The following CRMP1 variants were observed in gnomAD, a reference collection of about 807,000 sequenced individuals.
CRMP1 encodes dihydropyrimidinase-related protein 1.
A neutral mutation model predicts 68.3 loss-of-function variants in CRMP1; 19 were observed. The ratio of observed to expected loss-of-function variants is 0.28; its 90% CI spans 0.19 to 0.41. CRMP1 has a LOEUF of 0.41. Among genes scored for constraint, CRMP1 ranks in the 10% least tolerant of loss-of-function variants. The pLI is 1.00. For synonymous variants in CRMP1, 439 were observed against 399.6 expected (o/e 1.10, Z -1.18); for missense variants, 791 against 967.4 (o/e 0.82, Z 2.42).
rs1425004603 is a variant in CRMP1 at position 5,854,230 on chromosome 4, A to G, written c.820+1913T>C. Among the ~76,000 whole-genome samples the G allele has an allele frequency of 6.6e-6, 1 of 152,144 alleles. No homozygotes were observed. Among genetic ancestry groups the G allele is most frequent in the Non-Finnish European group, 1.5e-5 (1 of 68,030 alleles). ...GTTATGTAGTTGCAGTGAATCACGC[A>G]GCAACTGCAATACAAGGATAATGCC... On this transcript the variant is annotated intron_variant, in intron 4 of 13. Transcript: ENST00000324989. This position sits in a 1 kb window ranked among gnomAD's most constrained non-coding sequence, Gnocchi z 4.0.
chr4:5,892,617 T>G lies in CRMP1; in HGVS notation c.353A>C (p.Asp118Ala), dbSNP rs1431466184. The G allele has an allele frequency of 3.4e-6, 4 of 1,188,878 alleles. No homozygotes were observed. Among genetic ancestry groups the G allele is most frequent in the Non-Finnish European group, 4.2e-6 (4 of 960,392 alleles). The allele number at this position is 1,188,878 out of a possible 1,614,324, so 73.6% of individuals were successfully genotyped here. A position where few individuals can be genotyped will look rare whatever the true frequency, so the allele number is the denominator to read the frequency against. Reference protein sequence around the residue: ...TLRIRRPAPRDLPLGRDNGQS... With the variant: ...TLRIRRPAPRALPLGRDNGQS... ...GCCATTGTCCCGGCCGAGGGGCAGG[T>G]CGCGGGGCGCGGGGCGGCGGATGCG... Residue 118 changes from aspartate (D) to alanine (A), a missense_variant, in exon 1 of 14, where the codon GAC (aspartate) becomes GCC (alanine). Physicochemically the swap from Asp to Ala is moderately radical, Grantham distance 126. Around this residue, in one of 3 missense-constraint regions of CRMP1, gnomAD observed 193 missense variants for 186.3 expected, o/e 1.04. Transcript: ENST00000324989. The surrounding 1 kb of genome is among the most constrained non-coding windows in gnomAD (Gnocchi z 8.6).
rs147215029 is a variant in CRMP1 at position 5,871,517 on chromosome 4, G to A, written c.382-4761C>T. On this transcript the variant is annotated intron_variant, in intron 1 of 13. Coordinates refer to ENST00000324989, the MANE Select transcript of CRMP1 (RefSeq NM_001014809.3). ...GTACTAAAAATACAAAAAATTAGCC[G>A]GGCGTGGTGGCGCACGCCTGTGGTC... Among the ~76,000 whole-genome samples, 210 of 152,108 alleles carry A rather than the reference G, an allele frequency of 1.4e-3. 2 individuals carry two copies. The highest frequency in any genetic ancestry group is 4.7e-3 in the African/African-American group (194 of 41,498).
chr4:5,825,194 A>G lies in CRMP1; in HGVS notation c.1969+300T>C. 2 of 985,354 alleles carry G rather than the reference A, an allele frequency of 2.0e-6. No individual in the cohort carries two copies. The highest frequency in any genetic ancestry group is 2.4e-6 in the Non-Finnish European group (2 of 829,922). The allele number at this position is 985,354 out of a possible 1,614,324, so 61.0% of individuals were successfully genotyped here. A position where few individuals can be genotyped will look rare whatever the true frequency, so the allele number is the denominator to read the frequency against. ...CTCCATGTTTACTTTCATGAGGAAGAGTGTGAAAGTGTCCCCAAATGTGTG... is the reference window on the plus strand; with the variant it reads ...CTCCATGTTTACTTTCATGAGGAAGGGTGTGAAAGTGTCCCCAAATGTGTG... On this transcript the variant is annotated intron_variant, in intron 13 of 13. Coordinates refer to ENST00000324989, the MANE Select transcript of CRMP1 (RefSeq NM_001014809.3). This position sits in a 1 kb window ranked among gnomAD's most constrained non-coding sequence, Gnocchi z 4.4.
In CRMP1 at chr4:5,841,217, G is replaced by A; in HGVS notation, c.1153+91C>T. ...CCACCCCTCCCTCCTCCGGCTGCCT[G>A]TCTGAGTTCGGGAGGGAGTGAACTT... On this transcript the variant is annotated intron_variant, in intron 8 of 13. Transcript: ENST00000324989. The surrounding 1 kb of genome is among the most constrained non-coding windows in gnomAD (Gnocchi z 6.9). 5 of 1,599,002 alleles carry A rather than the reference G, an allele frequency of 3.1e-6. No homozygotes were observed. Among genetic ancestry groups the A allele is most frequent in the Non-Finnish European group, 4.3e-6 (5 of 1,168,100 alleles).
At chr4:5,831,700 C>G (rs1720391820) in intron 11 of CRMP1, among the ~76,000 whole-genome samples, 1 of 152,180 alleles carries the variant, frequency 6.6e-6, no homozygotes, top group Non-Finnish European at 1.5e-5. Flanking sequence ...TCTCAAGCTG[C>G]AGAGGTGTGA....
At position 5,825,919 on chromosome 4, in the gene CRMP1, C is replaced by CG. The variant is rs1560478593; in HGVS notation, c.1804-261dup. 2.0e-6 allele frequency: 1 copy of CG among 507,022 alleles called. No homozygotes were observed. Among genetic ancestry groups the CG allele is most frequent in the African/African-American group, 2.0e-5 (1 of 49,676 alleles). The allele number at this position is 507,022 out of a possible 1,614,324, so 31.4% of individuals were successfully genotyped here. On this transcript the variant is annotated intron_variant, in intron 12 of 13. Coordinates refer to ENST00000324989, the MANE Select transcript of CRMP1 (RefSeq NM_001014809.3). The surrounding 1 kb of genome is among the most constrained non-coding windows in gnomAD (Gnocchi z 4.4). ...CATACAGACGCACACACCACGCACA[C>CG]GCACTCACATACATGCAGTCATGCA...
Position 5,892,627 on chromosome 4 carries a change from C to T in CRMP1, c.343G>A (p.Ala115Thr). 10 of 1,191,446 alleles carry T rather than the reference C, an allele frequency of 8.4e-6. No homozygotes were observed. Among genetic ancestry groups the T allele is most frequent in the Non-Finnish European group, 9.4e-6 (9 of 962,046 alleles). The allele number at this position is 1,191,446 out of a possible 1,614,324, so 73.8% of individuals were successfully genotyped here. The change falls in exon 1 of 14, where the codon GCG becomes ACG. Residue 115 changes from alanine (A) to threonine (T), a missense_variant. Physicochemically the swap from Ala to Thr is moderately conservative, Grantham distance 58. Coordinates refer to ENST00000324989, the MANE Select transcript of CRMP1 (RefSeq NM_001014809.3). The surrounding 1 kb of genome is among the most constrained non-coding windows in gnomAD (Gnocchi z 8.6). ...RPPTLRIRRP[A>T]PRDLPLGRDN... ...CGGCCGAGGGGCAGGTCGCGGGGCG[C>T]GGGGCGGCGGATGCGCAGCGTCGGC...
rs1157873844 is a variant in CRMP1 at position 5,866,354 on chromosome 4, A to G, written c.470+314T>C. Among the ~76,000 whole-genome samples the G allele has an allele frequency of 6.6e-6, 1 of 152,138 alleles. No homozygotes were observed. Among genetic ancestry groups the G allele is most frequent in the Non-Finnish European group, 1.5e-5 (1 of 68,014 alleles). On this transcript the variant is annotated intron_variant, in intron 2 of 13. Transcript: ENST00000324989. This position sits in a 1 kb window ranked among gnomAD's most constrained non-coding sequence, Gnocchi z 5.9. ...CCGTCATATGGGGCCAGGTACCCAG[A>G]CTCATTGGCCTGCCGCCTCCAAAAC...
Position 5,891,013 on chromosome 4 carries a change from C to T in CRMP1, c.381+1576G>A, listed in dbSNP as rs1204075419. ...GGTGCTGGTCCCGCTTCTCGGCCCGCGGCCCAGAAGCCTCCCCATCGGGCT... is the reference window on the plus strand; with the variant it reads ...GGTGCTGGTCCCGCTTCTCGGCCCGTGGCCCAGAAGCCTCCCCATCGGGCT... On this transcript the variant is annotated intron_variant, in intron 1 of 13. Coordinates refer to ENST00000324989, the MANE Select transcript of CRMP1 (RefSeq NM_001014809.3). The surrounding 1 kb of genome is among the most constrained non-coding windows in gnomAD (Gnocchi z 5.2). Among the ~76,000 whole-genome samples, 3 of 152,040 alleles carry T rather than the reference C, an allele frequency of 2.0e-5. No individual in the cohort carries two copies. The highest frequency in any genetic ancestry group is 4.8e-5 in the African/African-American group (2 of 41,392).
At position 5,870,316 on chromosome 4, in the gene CRMP1, C is replaced by T. The variant is rs1448029042; in HGVS notation, c.382-3560G>A. Among the ~76,000 whole-genome samples the T allele has an allele frequency of 1.3e-5, 2 of 152,214 alleles. No homozygotes were observed. Among genetic ancestry groups the T allele is most frequent in the East Asian group, 3.9e-4 (2 of 5,194 alleles). Reference sequence around the variant, plus strand: ...TTCACAGTATTTACGGCACATCTGGCAGGCTATGTATTTCTAGGTCTGTCT... The same window carrying T: ...TTCACAGTATTTACGGCACATCTGGTAGGCTATGTATTTCTAGGTCTGTCT... On this transcript the variant is annotated intron_variant, in intron 1 of 13. Coordinates refer to ENST00000324989, the MANE Select transcript of CRMP1 (RefSeq NM_001014809.3). This position sits in a 1 kb window ranked among gnomAD's most constrained non-coding sequence, Gnocchi z 6.0.
Position 5,866,590 on chromosome 4 carries a change from T to C in CRMP1, c.470+78A>G, listed in dbSNP as rs1465620012. On this transcript the variant is annotated intron_variant, in intron 2 of 13. Transcript: ENST00000324989. This position sits in a 1 kb window ranked among gnomAD's most constrained non-coding sequence, Gnocchi z 5.9. ...ACAGCCCCGTCATTCTAGGACAGAA[T>C]GCCAGCCTTCTGTTCCATCTAAGGC... 1 of 1,042,354 alleles carries C rather than the reference T, an allele frequency of 9.6e-7. No individual in the cohort carries two copies. Among genetic ancestry groups the C allele is most frequent in the Non-Finnish European group, 1.5e-6 (1 of 682,316 alleles). The allele number at this position is 1,042,354 out of a possible 1,614,324, so 64.6% of individuals were successfully genotyped here.
intron 13 of CRMP1, chr4:5,824,759 C>G (rs945394657): frequency 4.1e-6 from 4 of 984,812 alleles, no homozygotes; most frequent in Non-Finnish European, 4.8e-6. Flanking sequence ...CTCTTAGTAC[C>G]CAGCACGGTG....
chr4:5,851,724 AAGGAGAAAGAGGAGG>A (rs1283093150), intron 4 of CRMP1, among the ~76,000 whole-genome samples: 1 of 149,210 alleles, frequency 6.7e-6, no homozygotes, highest in Non-Finnish European at 1.5e-5. Flanking sequence ...AGGGGAGGAG[AAGGAGAAAGAGGAGG>A]AGGAGGAAGA....
At chr4:5,826,083 C>T (rs913551139) in intron 12 of CRMP1, 1 of 251,980 alleles carries the variant, frequency 4.0e-6, no homozygotes, top group Non-Finnish European at 7.5e-6. Flanking sequence ...TACATGCCCA[C>T]ACACACACTC....
chr4:5,852,264 A>G lies in CRMP1; in HGVS notation c.821-795T>C, dbSNP rs138807958. Among the ~76,000 whole-genome samples, 790 of 152,306 alleles carry G rather than the reference A, an allele frequency of 5.2e-3. 7 individuals are homozygous for G. Among genetic ancestry groups the G allele is most frequent in the African/African-American group, 0.018 (763 of 41,558 alleles). On this transcript the variant is annotated intron_variant, in intron 4 of 13. Transcript: ENST00000324989. ...CCTCAGTTGCTGTGTGGCACTTGAG[A>G]CGTTACTGCACCTCTCTGGGTTTCA...
chr4:5,847,256 T>A (rs1434112190), intron 6 of CRMP1, among the ~76,000 whole-genome samples: 1 of 152,100 alleles, frequency 6.6e-6, no homozygotes, highest in Non-Finnish European at 1.5e-5. Context: ...CTACAGATTA[T>A]GGGAAATACA....
chr4:5,832,797 T>C (rs1560488178), intron 11 of CRMP1, among the ~76,000 whole-genome samples: 1 of 152,182 alleles, frequency 6.6e-6, no homozygotes, highest in Non-Finnish European at 1.5e-5. Flanking sequence ...ATATTACATA[T>C]TGTTATGGGT....
At chr4:5,824,952 A>G in intron 13 of CRMP1, 3 of 985,436 alleles carry the variant, frequency 3.0e-6, no homozygotes, top group Non-Finnish European at 3.6e-6. Context: ...TTTGTTGAGC[A>G]CCAAGTCCTG....
intron 1 of CRMP1, among the ~76,000 whole-genome samples, chr4:5,878,420 G>C (rs989559536): frequency 6.6e-6 from 1 of 152,146 alleles, no homozygotes; most frequent in Non-Finnish European, 1.5e-5. Flanking sequence ...CGATTATCGT[G>C]AATGTGGTCA....
Sources: allele counts gnomAD v4.1 joint callset (sites outside exome capture counted in the v4.1 genomes callset), GRCh38; gene constraint gnomAD v4.1.1; regional missense constraint gnomAD v4.1.1; non-coding constraint Gnocchi (gnomAD v3.1); transcripts MANE v1.5; gene names NCBI Gene and HGNC (gene_info 2026-07-23, HGNC 2026-07-21).